Variants in VPS54 observed in about 807,000 individuals in gnomAD.
VPS54 encodes VPS54 subunit of GARP complex.
VPS54 carries 45 observed loss-of-function variants against 121.5 expected under a neutral mutation model. The ratio of observed to expected loss-of-function variants is 0.37; its 90% CI spans 0.29 to 0.47. The LOEUF (loss-of-function observed/expected upper bound fraction) is 0.47. Among genes scored for constraint, VPS54 ranks in the 20% least tolerant of loss-of-function variants. The probability of loss-of-function intolerance (pLI) is 0.99; values close to 1 mark genes in which losing one functional copy is unlikely to be tolerated. For missense variants in VPS54, 1,090 were observed against 1,131.4 expected, an observed-to-expected ratio of 0.96 and a Z score of 0.52; for synonymous variants, 371 against 385.8, an observed-to-expected ratio of 0.96 and a Z score of 0.45.
At chr2:63,961,857 T>A (rs756867013) in intron 7 of VPS54, among the ~76,000 whole-genome samples, 8 of 152,180 alleles carry the variant, frequency 5.3e-5, no homozygotes, top group Non-Finnish European at 8.8e-5. Flanking sequence ...TCCATCCAAA[T>A]GTCTCTGAAA....
intron 1 of VPS54, among the ~76,000 whole-genome samples, chr2:63,984,924 G>C (rs1676972518): frequency 6.6e-6 from 1 of 152,116 alleles, no homozygotes; most frequent in African/African-American, 2.4e-5. Flanking sequence ...GAGAAGAATA[G>C]AAAGGCCCAG....
At chr2:64,017,336 C>CAAA (rs34819872) in intron 1 of VPS54, among the ~76,000 whole-genome samples, 53 of 96,886 alleles carry the variant, frequency 5.5e-4, no homozygotes, top group African/African-American at 2.1e-3. Flanking sequence ...GACCCCGTCT[C>CAAA]AAAAAAAAAA....
intron 3 of VPS54, among the ~76,000 whole-genome samples, chr2:63,976,528 A>G (rs137938460): frequency 7.9e-5 from 12 of 152,058 alleles, no homozygotes; most frequent in Non-Finnish European, 1.8e-4. Flanking sequence ...ATAATTTCCT[A>G]CTGAAATGTT....
At chr2:64,010,591 T>G (rs2104702244) in intron 1 of VPS54, among the ~76,000 whole-genome samples, 1 of 152,342 alleles carries the variant, frequency 6.6e-6, no homozygotes, top group African/African-American at 2.4e-5. Context: ...CCACAACATT[T>G]TTGAAATGTA....
chr2:63,925,519 C>T (rs2104462741), intron 12 of VPS54, among the ~76,000 whole-genome samples: 1 of 152,320 alleles, frequency 6.6e-6, no homozygotes, highest in South Asian at 2.1e-4. Context: ...ATATATTCAA[C>T]AGCAATGCTT....
At chr2:63,911,885 T>C (rs952256868) in intron 20 of VPS54, among the ~76,000 whole-genome samples, 4 of 152,180 alleles carry the variant, frequency 2.6e-5, no homozygotes, top group African/African-American at 9.7e-5. Flanking sequence ...CTAAATGATA[T>C]TTTTCTGAAG....
intron 7 of VPS54, among the ~76,000 whole-genome samples, chr2:63,956,865 G>A (rs1212750800): frequency 6.6e-6 from 1 of 151,994 alleles, no homozygotes; most frequent in African/African-American, 2.4e-5. Flanking sequence ...AAAACTAAGA[G>A]TTTCTACACA....
At position 64,018,521 on chromosome 2, in the gene VPS54, G is replaced by A. The variant is rs113236611; in HGVS notation, c.-21+417C>T. Among the ~76,000 whole-genome samples, 45 of 152,218 alleles carry A rather than the reference G, an allele frequency of 3.0e-4. 3 individuals carry two copies. The highest frequency in any genetic ancestry group is 9.9e-4 in the African/African-American group (41 of 41,536). On this transcript the variant is annotated intron_variant, in intron 1 of 22. Transcript: ENST00000272322. ...ACTCTTTGGGTTAGCCTTCCCCGGA[G>A]AGAAAAACAAACAAATGTTTTAACG...
chr2:63,955,247 T>A (rs921990081), intron 7 of VPS54, among the ~76,000 whole-genome samples: 1 of 152,030 alleles, frequency 6.6e-6, no homozygotes. Flanking sequence ...TTTACTGTTG[T>A]GTATGTTTGA....
intron 20 of VPS54, among the ~76,000 whole-genome samples, chr2:63,905,270 A>C (rs981500397): frequency 3.9e-5 from 6 of 152,146 alleles, no homozygotes; most frequent in African/African-American, 1.4e-4. Context: ...AAAAGATCAA[A>C]ACATGTGATA....
intron 1 of VPS54, among the ~76,000 whole-genome samples, chr2:64,015,987 A>C (rs1040928537): frequency 3.9e-5 from 6 of 152,210 alleles, no homozygotes; most frequent in Non-Finnish European, 8.8e-5. Flanking sequence ...AAACAATTCT[A>C]ACTTCCAAAG....
chr2:63,946,400 G>A (rs1227123679), intron 9 of VPS54, among the ~76,000 whole-genome samples: 1 of 152,000 alleles, frequency 6.6e-6, no homozygotes, highest in Non-Finnish European at 1.5e-5. Context: ...TGCATACCTA[G>A]GAATAGAAAT....
chr2:63,967,662 T>C (rs1454417593), intron 5 of VPS54, among the ~76,000 whole-genome samples: 1 of 136,050 alleles, frequency 7.4e-6, no homozygotes, highest in Non-Finnish European at 1.5e-5. Context: ...GAGGTTGCAG[T>C]GAGCCAAGAT....
chr2:63,944,042 AT>A (rs1310340324), intron 10 of VPS54, among the ~76,000 whole-genome samples: 1 of 151,562 alleles, frequency 6.6e-6, no homozygotes, highest in Non-Finnish European at 1.5e-5. Flanking sequence ...AAGAATAGGA[AT>A]TTCTAGGGTG....
At chr2:63,958,226 T>C (rs188775984) in intron 7 of VPS54, among the ~76,000 whole-genome samples, 1 of 152,158 alleles carries the variant, frequency 6.6e-6, no homozygotes, top group East Asian at 1.9e-4. Flanking sequence ...TAAAATTTCA[T>C]TACAGAATAT....
intron 22 of VPS54, among the ~76,000 whole-genome samples, chr2:63,894,114 G>A (rs1352571870): frequency 6.6e-6 from 1 of 152,104 alleles, no homozygotes; most frequent in African/African-American, 2.4e-5. Context: ...ATCAAAACAA[G>A]GTACTACTAT....
At chr2:63,908,449 T>C (rs1672996692) in intron 20 of VPS54, among the ~76,000 whole-genome samples, 1 of 152,176 alleles carries the variant, frequency 6.6e-6, no homozygotes, top group African/African-American at 2.4e-5. Context: ...AAGAGAATGC[T>C]TACCAATGAT....
chr2:63,909,725 G>GTTTTTGT (rs747731456), intron 20 of VPS54, among the ~76,000 whole-genome samples: 26 of 115,240 alleles, frequency 2.3e-4, no homozygotes, highest in Non-Finnish European at 4.0e-4. Context: ...GCCGTTTTTG[G>GTTTTTGT]TTTTTTTTTT....
intron 2 of VPS54, among the ~76,000 whole-genome samples, chr2:63,983,588 G>A (rs1016378110): frequency 5.3e-5 from 8 of 151,202 alleles, no homozygotes; most frequent in African/African-American, 1.7e-4. Flanking sequence ...GACTACAGGC[G>A]CCTGCCACCA....
Sources: allele counts gnomAD v4.1 joint callset (sites outside exome capture counted in the v4.1 genomes callset), GRCh38; gene constraint gnomAD v4.1.1; transcripts MANE v1.5; gene names NCBI Gene and HGNC (gene_info 2026-07-23, HGNC 2026-07-21).